CCDC88C: variants seen among roughly 807,000 people sequenced by gnomAD.
CCDC88C encodes coiled-coil and HOOK domain protein 88C.
Under a neutral mutation model 198.8 loss-of-function variants are expected in CCDC88C, and 131 were observed. The ratio of observed to expected loss-of-function variants is 0.66; its 90% CI spans 0.57 to 0.76. The LOEUF (loss-of-function observed/expected upper bound fraction) is 0.76, where lower values mean the gene tolerates loss of function less well. CCDC88C is among the 30% of genes least tolerant of loss of function. The pLI is 0.00. For synonymous variants in CCDC88C, 1,166 were observed against 1,114.7 expected, an observed-to-expected ratio of 1.05 and a Z score of -0.92; for missense variants, 2,553 against 2,631.6, an observed-to-expected ratio of 0.97 and a Z score of 0.65.
At chr14:91,406,020 G>A (rs751533377) in intron 3 of CCDC88C, among the ~76,000 whole-genome samples, 1 of 152,232 alleles carries the variant, frequency 6.6e-6, no homozygotes, top group Non-Finnish European at 1.5e-5. Context: ...GGAGAGCAGG[G>A]ATGCAGGGTC....
chr14:91,294,226 C>T lies in CCDC88C; in HGVS notation c.4059G>A (p.Leu1353=), dbSNP rs747674915. The T allele has an allele frequency of 6.2e-7, 1 of 1,613,890 alleles. No individual in the cohort carries two copies. Among genetic ancestry groups the T allele is most frequent in the Non-Finnish European group, 8.5e-7 (1 of 1,179,898 alleles). ...GCTCCTTGTTCTCCATGTTCTGCTC[C>T]AGAAGCATCTGGTTCTGCTGGCTCA... The part of the protein sequence containing the change: ...QLLSQQNQML[L]EQNMENKEQY... The change falls in exon 23 of 30, where the codon CTG becomes CTA. Residue 1353 remains leucine (L), a synonymous_variant. Transcript: ENST00000389857.
At chr14:91,304,044 G>C (rs994976594) in intron 19 of CCDC88C, 66 bp from the exon 20 acceptor site, 19 of 1,548,000 alleles carry the variant, frequency 1.2e-5, no homozygotes, top group South Asian at 4.6e-5. Flanking sequence ...TGGGGAGCAG[G>C]TCAAGTGCTC....
Position 91,294,201 on chromosome 14 carries a change from G to C in CCDC88C, c.4084C>G (p.Gln1362Glu). Residue 1362 changes from glutamine to glutamate, a missense_variant, in exon 23 of 30, where the codon CAG becomes GAG. Gln to Glu is a conservative substitution (Grantham distance 29, BLOSUM62 2). This residue lies in a region of CCDC88C where 1,293 missense variants were observed against 1,219.6 expected (regional missense o/e 1.06). Transcript: ENST00000389857. ...LLEQNMENKE[Q>E]YHEEQKQYID... The stretch of plus-strand genomic sequence containing the variant: ...TACTGCTTCTGCTCCTCATGGTACT[G>C]CTCCTTGTTCTCCATGTTCTGCTCC... 1 of 1,614,008 alleles carries C rather than the reference G, an allele frequency of 6.2e-7. No homozygotes were observed. Among genetic ancestry groups the C allele is most frequent in the Non-Finnish European group, 8.5e-7 (1 of 1,179,874 alleles).
chr14:91,296,468 T>TG (rs1323638566), intron 22 of CCDC88C, among the ~76,000 whole-genome samples: 1 of 152,190 alleles, frequency 6.6e-6, no homozygotes, highest in Non-Finnish European at 1.5e-5. Context: ...GCACAGCCCC[T>TG]GGGGGCGAGG....
intron 5 of CCDC88C, among the ~76,000 whole-genome samples, 181 bp downstream of exon 5, chr14:91,343,418 T>G (rs975171175): frequency 6.6e-5 from 10 of 152,166 alleles, no homozygotes; most frequent in African/African-American, 9.7e-5. Context: ...GGTGCCCTGG[T>G]ACTAGAAACA....
chr14:91,279,090 G>A, intron 28 of CCDC88C, 148 bp downstream of exon 28: 1 of 657,490 alleles, frequency 1.5e-6, no homozygotes, highest in East Asian at 2.9e-5. Context: ...TTTAGAGATG[G>A]GGTTTCGCCA....
At chr14:91,345,171 T>C (rs1435379033) in intron 4 of CCDC88C, among the ~76,000 whole-genome samples, 1 of 66,866 alleles carries the variant, frequency 1.5e-5, no homozygotes, top group African/African-American at 5.3e-5. Context: ...TCAATTTATA[T>C]ATATATATAT....
Position 91,285,744 on chromosome 14 carries a change from G to T in CCDC88C, c.4442-2227C>A, listed in dbSNP as rs374854765. 4 of 1,288,912 alleles carry T rather than the reference G, an allele frequency of 3.1e-6. No homozygotes were observed. In the South Asian group the frequency reaches 3.7e-5, roughly 12 times the overall value. 79.8% of individuals were successfully genotyped at this position (1,288,912 alleles called of 1,614,324 possible). On this transcript the variant is annotated intron_variant, in intron 25 of 29. Transcript: ENST00000389857. ...GGGATGTCGGAGGAAGACCAGAACC[G>T]CAGGCGTTTAGAGAGAGCTGGGTGG...
At chr14:91,366,831 G>A (rs1453202730) in intron 3 of CCDC88C, among the ~76,000 whole-genome samples, 1 of 152,194 alleles carries the variant, frequency 6.6e-6, no homozygotes, top group African/African-American at 2.4e-5. Flanking sequence ...CCCAGAAAAG[G>A]CCCACTCAAC....
chr14:91,305,912 C>G lies in CCDC88C; in HGVS notation c.3210G>C (p.Gln1070His). 2.5e-6 allele frequency: 4 copies of G among 1,613,416 alleles called. No homozygotes were observed. The highest frequency in any genetic ancestry group is 3.4e-6 in the Non-Finnish European group (4 of 1,179,826). Reference sequence around the variant, plus strand: ...GTTCCTTTAGCAGCTGCTTCTCAGCCTGCAGAGCTGCATTCTAGAAGATCG... The same window carrying G: ...GTTCCTTTAGCAGCTGCTTCTCAGCGTGCAGAGCTGCATTCTAGAAGATCG... ...IELERNNAALQAEKQLLKEQL... is the reference protein window; with the variant it reads ...IELERNNAALHAEKQLLKEQL... The change falls in exon 19 of 30, where the codon CAG (glutamine) becomes CAC (histidine). Residue 1070 changes from glutamine to histidine, a missense_variant. Gln to His is a conservative substitution (Grantham distance 24). Around this residue, in one of 2 missense-constraint regions of CCDC88C, gnomAD observed 1,260 missense variants for 1,412.0 expected, o/e 0.89. Coordinates refer to ENST00000389857, the MANE Select transcript of CCDC88C (RefSeq NM_001080414.4).
intron 21 of CCDC88C, among the ~76,000 whole-genome samples, chr14:91,298,299 G>A (rs778528077): frequency 6.6e-6 from 1 of 152,020 alleles, no homozygotes; most frequent in African/African-American, 2.4e-5. Flanking sequence ...CCGGGAACCC[G>A]GGAGGCGGAG....
chr14:91,292,493 T>C (rs1890703447), intron 23 of CCDC88C, among the ~76,000 whole-genome samples: 1 of 152,168 alleles, frequency 6.6e-6, no homozygotes, highest in Non-Finnish European at 1.5e-5. Flanking sequence ...ACAATTACAG[T>C]GTGCTTTTAC....
chr14:91,397,616 T>C (rs1885930844), intron 3 of CCDC88C, among the ~76,000 whole-genome samples: 1 of 152,236 alleles, frequency 6.6e-6, no homozygotes, highest in African/African-American at 2.4e-5. Flanking sequence ...TTCCTGCCGC[T>C]CTGGGGTGAG....
rs1216986088 is a variant in CCDC88C, at chr14:91,352,717, G to A, written c.340+6925C>T. Among the ~76,000 whole-genome samples, 1 of 152,198 alleles carries A rather than the reference G, an allele frequency of 6.6e-6. No individual in the cohort carries two copies. Among genetic ancestry groups the A allele is most frequent in the Non-Finnish European group, 1.5e-5 (1 of 68,050 alleles). ...GGAGAAATAAAATAAAAACAACAGG[G>A]GTAGGGGAAAAGAACACAAGAATGG... On this transcript the variant is annotated intron_variant, in intron 4 of 29. Transcript: ENST00000389857. This position sits in a 1 kb window ranked among gnomAD's most constrained non-coding sequence, Gnocchi z 4.2.
chr14:91,280,805 T>C lies in CCDC88C; in HGVS notation c.4699+652A>G, dbSNP rs561001526. On this transcript the variant is annotated intron_variant, in intron 27 of 29. Coordinates refer to ENST00000389857, the MANE Select transcript of CCDC88C (RefSeq NM_001080414.4). ...AGTTCTTTACTCAAGTAGAAGACTG[T>C]AAGAATGTCATCAAGCTTTTTAGAC... Among the ~76,000 whole-genome samples, 5 of 151,972 alleles carry C rather than the reference T, an allele frequency of 3.3e-5. 1 individual carries two copies. Among genetic ancestry groups the C allele is most frequent in the African/African-American group, 1.2e-4 (5 of 41,350 alleles).
At chr14:91,316,065 C>T (rs1226299339) in intron 13 of CCDC88C, among the ~76,000 whole-genome samples, 3 of 152,218 alleles carry the variant, frequency 2.0e-5, no homozygotes, top group African/African-American at 7.2e-5. Flanking sequence ...CGCTGGGTGC[C>T]CTCGGGGGTT....
intron 18 of CCDC88C, 99 bp from the exon 19 acceptor site, chr14:91,306,025 T>C: frequency 7.9e-7 from 1 of 1,270,932 alleles, no homozygotes; most frequent in Non-Finnish European, 1.1e-6. Flanking sequence ...AAGTTGATGT[T>C]TTGGGGGCCA....
chr14:91,357,892 G>A (rs1194958294), intron 4 of CCDC88C, among the ~76,000 whole-genome samples: 1 of 152,236 alleles, frequency 6.6e-6, no homozygotes, highest in Non-Finnish European at 1.5e-5. Flanking sequence ...CAGGGGAGCA[G>A]AACCAAAGGC....
rs767758095 is a variant in CCDC88C at position 91,313,368 on chromosome 14, G to A, written c.2448C>T (p.Ala816=). 6.8e-6 allele frequency: 11 copies of A among 1,610,450 alleles called. No individual in the cohort carries two copies. The highest frequency in any genetic ancestry group is 2.7e-5 in the African/African-American group (2 of 74,872). The change falls in exon 15 of 30, where the codon GCC becomes GCT. Residue 816 remains alanine (A), a synonymous_variant. Transcript: ENST00000389857. The surrounding 1 kb of genome is among the most constrained non-coding windows in gnomAD (Gnocchi z 5.2). The stretch of plus-strand genomic sequence containing the variant: ...GCTCCAGGGCCTTCCTGTCCTTCTC[G>A]GCCCCCTCCAACTGTGCATTGGCCA... The part of the protein sequence containing the change: ...LRLANAQLEG[A]EKDRKALEQE...
Sources: allele counts gnomAD v4.1 joint callset (sites outside exome capture counted in the v4.1 genomes callset), GRCh38; gene constraint gnomAD v4.1.1; regional missense constraint gnomAD v4.1.1; non-coding constraint Gnocchi (gnomAD v3.1); transcripts MANE v1.5; gene names NCBI Gene and HGNC (gene_info 2026-07-23, HGNC 2026-07-21).